The following PARN variants were observed in gnomAD, a reference collection of about 807,000 sequenced individuals.
The protein encoded by PARN is poly(A)-specific ribonuclease PARN.
In PARN, 71 loss-of-function variants were observed where a neutral mutation model predicts 102.8. The ratio of observed to expected loss-of-function variants is 0.69; its 90% CI spans 0.57 to 0.84. The LOEUF is 0.84. Ranked by LOEUF, PARN falls within the 40% of genes least tolerant of loss-of-function variation. The pLI is 0.00. For missense variants in PARN, 782 were observed against 760.9 expected, an observed-to-expected ratio of 1.03 and a Z score of -0.33; for synonymous variants, 261 against 252.9, an observed-to-expected ratio of 1.03 and a Z score of -0.30.
intron 22 of PARN, among the ~76,000 whole-genome samples, chr16:14,480,068 C>T (rs1167792369): frequency 1.3e-5 from 2 of 152,074 alleles, no homozygotes; most frequent in African/African-American, 4.8e-5. Flanking sequence ...TCTGGTGGCT[C>T]ACATCTGTAA....
At chr16:14,496,087 C>A (rs1964300343) in intron 21 of PARN, among the ~76,000 whole-genome samples, 1 of 152,186 alleles carries the variant, frequency 6.6e-6, no homozygotes, top group Non-Finnish European at 1.5e-5. Flanking sequence ...AACCACCCCA[C>A]AAAGTGGGTA....
intron 18 of PARN, among the ~76,000 whole-genome samples, chr16:14,570,563 T>C (rs1275379100): frequency 6.8e-6 from 1 of 147,678 alleles, no homozygotes; most frequent in African/African-American, 2.5e-5. Context: ...GGTAGGAGGA[T>C]CCCTTGAACC....
At chr16:14,502,540 C>T (rs191344012) in intron 21 of PARN, among the ~76,000 whole-genome samples, 1 of 152,336 alleles carries the variant, frequency 6.6e-6, no homozygotes, top group East Asian at 1.9e-4. Context: ...TCATCTCCAA[C>T]TCACTGGGAT....
rs1267604972 is a variant in PARN, at chr16:14,446,051, G to A, written c.1864+837C>T. Among the ~76,000 whole-genome samples the A allele has an allele frequency of 2.0e-5, 3 of 152,244 alleles. No homozygotes were observed. In the East Asian group the frequency reaches 5.8e-4, roughly 29 times the overall value. Reference sequence around the variant, plus strand: ...CAGTAATAAGCACTCAATAAGCAGTGGCTATGATTACTGTCACTGTGACTG... The same window carrying A: ...CAGTAATAAGCACTCAATAAGCAGTAGCTATGATTACTGTCACTGTGACTG... On this transcript the variant is annotated intron_variant, in intron 23 of 23. Coordinates refer to ENST00000437198, the MANE Select transcript of PARN (RefSeq NM_002582.4).
intron 2 of PARN, among the ~76,000 whole-genome samples, chr16:14,629,026 A>G (rs1403531500): frequency 2.6e-5 from 4 of 152,238 alleles, no homozygotes; most frequent in African/African-American, 9.6e-5. Context: ...ACCTGACCCT[A>G]GCCGGTCACA....
At chr16:14,548,753 G>A (rs1249481253) in intron 21 of PARN, among the ~76,000 whole-genome samples, 6 of 152,158 alleles carry the variant, frequency 3.9e-5, no homozygotes, top group African/African-American at 1.2e-4. Context: ...CCAGGGGTTC[G>A]AAATCGGCCT....
At chr16:14,485,065 G>A (rs1241015156) in intron 21 of PARN, among the ~76,000 whole-genome samples, 1 of 152,168 alleles carries the variant, frequency 6.6e-6, no homozygotes, top group Non-Finnish European at 1.5e-5. Context: ...TAAAAAGAAA[G>A]TGCTAGAGAA....
At chr16:14,455,860 T>C (rs1043657521) in intron 22 of PARN, among the ~76,000 whole-genome samples, 3 of 152,250 alleles carry the variant, frequency 2.0e-5, no homozygotes, top group Non-Finnish European at 4.4e-5. Flanking sequence ...TGTCGCTGAC[T>C]GTGCTCTTGC....
chr16:14,625,482 A>G (rs1393138685), intron 5 of PARN, among the ~76,000 whole-genome samples: 3 of 152,172 alleles, frequency 2.0e-5, no homozygotes, highest in South Asian at 4.1e-4. Flanking sequence ...GGACAAGAAG[A>G]GCGAAACTTC....
intron 18 of PARN, among the ~76,000 whole-genome samples, chr16:14,579,566 A>T (rs1969376728): frequency 6.6e-6 from 1 of 152,024 alleles, no homozygotes; most frequent in Admixed American, 6.6e-5. Context: ...CAAGACCGTG[A>T]CTCAAAAAAA....
chr16:14,549,192 C>A (rs1021781512), intron 21 of PARN, among the ~76,000 whole-genome samples: 1 of 152,028 alleles, frequency 6.6e-6, no homozygotes, highest in African/African-American at 2.4e-5. Context: ...TTGTCTTTTG[C>A]ATAAGAAAAG....
intron 21 of PARN, among the ~76,000 whole-genome samples, chr16:14,522,695 C>T (rs1340925804): frequency 6.6e-6 from 1 of 152,160 alleles, no homozygotes; most frequent in Non-Finnish European, 1.5e-5. Flanking sequence ...GAAGCTGGAA[C>T]AAGGTCCCTG....
chr16:14,521,737 G>T (rs780801050), intron 21 of PARN, among the ~76,000 whole-genome samples: 1 of 151,922 alleles, frequency 6.6e-6, no homozygotes, highest in African/African-American at 2.4e-5. Flanking sequence ...GAGAAGTGGT[G>T]GTTGTGGTAA....
At chr16:14,613,630 A>G (rs1209598430) in intron 6 of PARN, among the ~76,000 whole-genome samples, 1 of 152,178 alleles carries the variant, frequency 6.6e-6, no homozygotes, top group Non-Finnish European at 1.5e-5. Context: ...CAAAACAACA[A>G]TAACAACAAA....
intron 21 of PARN, among the ~76,000 whole-genome samples, chr16:14,529,889 T>A (rs1049070560): frequency 1.3e-5 from 2 of 152,014 alleles, no homozygotes; most frequent in Admixed American, 1.3e-4. Flanking sequence ...GGTGATACCA[T>A]CCCTACAGAA....
At chr16:14,444,289 G>C (rs1171829361) in intron 23 of PARN, among the ~76,000 whole-genome samples, 1 of 147,300 alleles carries the variant, frequency 6.8e-6, no homozygotes, top group African/African-American at 2.5e-5. Context: ...ATTAAAAGTT[G>C]TCAAGATGTC....
intron 5 of PARN, among the ~76,000 whole-genome samples, 200 bp downstream of exon 5, chr16:14,626,906 C>T (rs973898444): frequency 1.3e-5 from 2 of 152,130 alleles, no homozygotes; most frequent in Admixed American, 1.3e-4. Context: ...CATGAGCCGC[C>T]GTACCTGGCC....
chr16:14,609,744 A>G (rs1236105545), intron 7 of PARN, among the ~76,000 whole-genome samples: 2 of 152,210 alleles, frequency 1.3e-5, no homozygotes, highest in Admixed American at 1.3e-4. Flanking sequence ...GCAAGACCAG[A>G]CACTTGTCCA....
intron 6 of PARN, among the ~76,000 whole-genome samples, chr16:14,612,607 T>C (rs976422041): frequency 3.9e-5 from 6 of 152,042 alleles, no homozygotes; most frequent in African/African-American, 1.4e-4. Flanking sequence ...TTTTCTTTTT[T>C]TTCTTTTTAG....
Sources: allele counts gnomAD v4.1 joint callset (sites outside exome capture counted in the v4.1 genomes callset), GRCh38; gene constraint gnomAD v4.1.1; transcripts MANE v1.5; gene names NCBI Gene and HGNC (gene_info 2026-07-23, HGNC 2026-07-21).